Variants in PAX7 observed in about 807,000 individuals in gnomAD.
PAX7 encodes the protein paired box protein Pax-7.
In PAX7, 18 loss-of-function variants were observed where a neutral mutation model predicts 50.7. The observed-to-expected ratio is 0.36, with a 90% confidence interval of 0.25 to 0.53. The LOEUF (loss-of-function observed/expected upper bound fraction) is 0.53, where lower values mean the gene tolerates loss of function less well. PAX7 is among the 20% of genes least tolerant of loss of function. The probability of loss-of-function intolerance (pLI) is 0.93; values close to 1 mark genes in which losing one functional copy is unlikely to be tolerated. For synonymous variants in PAX7, 310 were observed against 290.4 expected, an observed-to-expected ratio of 1.07 and a Z score of -0.69; for missense variants, 644 against 702.9, an observed-to-expected ratio of 0.92 and a Z score of 0.95.
At position 18,747,274 on chromosome 1, in the gene PAX7, A is replaced by T. The variant is rs994420550; in HGVS notation, c.*2345A>T. ...ATTCCAATGCTAGGACCAATCCCAGATATCTGGTCCCGATGGTGAAATGGA... is the reference window on the plus strand; with the variant it reads ...ATTCCAATGCTAGGACCAATCCCAGTTATCTGGTCCCGATGGTGAAATGGA... On this transcript the variant is annotated 3_prime_UTR_variant, in exon 9 of 9. Transcript: ENST00000420770. 4.4e-6 allele frequency: 1 copy of T among 229,788 alleles called. No homozygotes were observed. The highest frequency in any genetic ancestry group is 2.2e-5 in the African/African-American group (1 of 45,088). 14.2% of individuals were successfully genotyped at this position (229,788 alleles called of 1,614,324 possible). A position where few individuals can be genotyped will look rare whatever the true frequency, so the allele number is the denominator to read the frequency against.
chr1:18,687,327 T>A (rs1044558991), intron 4 of PAX7, among the ~76,000 whole-genome samples: 2 of 152,068 alleles, frequency 1.3e-5, no homozygotes, highest in Non-Finnish European at 1.5e-5. Context: ...ACCACACAGC[T>A]AGGGAAAGAC....
intron 4 of PAX7, among the ~76,000 whole-genome samples, chr1:18,656,132 C>G (rs551472817): frequency 7.2e-5 from 11 of 152,154 alleles, no homozygotes; most frequent in Non-Finnish European, 4.4e-5. Context: ...TATAACAATG[C>G]CTGGTGCATT....
intron 1 of PAX7, among the ~76,000 whole-genome samples, chr1:18,631,965 T>C (rs994652843): frequency 7.9e-5 from 12 of 152,228 alleles, no homozygotes; most frequent in African/African-American, 2.9e-4. Context: ...TTTGGACTCC[T>C]AGTAAATATC....
At chr1:18,734,127 A>G (rs2089681504) in intron 7 of PAX7, among the ~76,000 whole-genome samples, 1 of 152,192 alleles carries the variant, frequency 6.6e-6, no homozygotes. Context: ...GGCAAAGGTA[A>G]AAATCTTCAG....
intron 7 of PAX7, among the ~76,000 whole-genome samples, chr1:18,727,282 C>T (rs982272398): frequency 9.4e-5 from 7 of 74,368 alleles, no homozygotes; most frequent in Non-Finnish European, 2.0e-4. Context: ...TCCATGTGCA[C>T]AAGTTGCATG....
At chr1:18,727,361 C>CTCTT (rs1402059657) in intron 7 of PAX7, among the ~76,000 whole-genome samples, 1 of 123,506 alleles carries the variant, frequency 8.1e-6, no homozygotes, top group African/African-American at 3.4e-5. Context: ...CTCTCTCTCT[C>CTCTT]TCTCTCTCAT....
At chr1:18,672,773 T>G (rs2088771353) in intron 4 of PAX7, among the ~76,000 whole-genome samples, 1 of 151,694 alleles carries the variant, frequency 6.6e-6, no homozygotes, top group Admixed American at 6.6e-5. Flanking sequence ...GCCCGGCTAA[T>G]TTTTGTAGTT....
At chr1:18,702,423 A>G (rs2089234332) in intron 6 of PAX7, among the ~76,000 whole-genome samples, 1 of 152,154 alleles carries the variant, frequency 6.6e-6, no homozygotes, top group South Asian at 2.1e-4. Context: ...CTGGAGGCCA[A>G]GGAAAGAGTC....
chr1:18,739,486 G>T (rs1165930332), intron 8 of PAX7, among the ~76,000 whole-genome samples: 1 of 152,170 alleles, frequency 6.6e-6, no homozygotes, highest in Non-Finnish European at 1.5e-5. Context: ...ATCTACTATG[G>T]GTCTAGCATT....
chr1:18,634,285 C>A lies in PAX7; in HGVS notation c.86-18C>A, dbSNP rs1293326721. 6.2e-7 allele frequency: 1 copy of A among 1,600,490 alleles called. No homozygotes were observed. The highest frequency in any genetic ancestry group is 2.2e-5 in the East Asian group (1 of 44,642). On this transcript the variant is annotated intron_variant, in intron 1 of 8. Transcript: ENST00000420770. This position sits in a 1 kb window ranked among gnomAD's most constrained non-coding sequence, Gnocchi z 4.0. ...ACCCTGCACCTCTCTCCTTCTGCAT[C>A]TCCCCTCCCTTCTCCAGTGTCCACC...
rs542673549 is a variant in PAX7, at chr1:18,657,851, A to C, written c.586+21480A>C. 4.0e-4 allele frequency among the ~76,000 whole-genome samples: 61 copies of C among 152,284 alleles called. 1 individual carries two copies. The highest frequency in any genetic ancestry group is 3.4e-3 in the Middle Eastern group (1 of 294). On this transcript the variant is annotated intron_variant, in intron 4 of 8. Transcript: ENST00000420770. The stretch of plus-strand genomic sequence containing the variant: ...CTGCTATTTTTCTTCTCTCTCTGAA[A>C]ATGAGAACATCAGCTATTGAAGCGG...
At chr1:18,653,798 A>C (rs2088471578) in intron 4 of PAX7, among the ~76,000 whole-genome samples, 1 of 152,066 alleles carries the variant, frequency 6.6e-6, no homozygotes, top group Admixed American at 6.5e-5. Context: ...AAGGGAAACC[A>C]GGGCTGCCTT....
intron 4 of PAX7, among the ~76,000 whole-genome samples, chr1:18,681,693 TTATTTTATTTTATTTTATTTTATTTTA>T (rs2088902655): frequency 8.3e-5 from 1 of 12,050 alleles, no homozygotes; most frequent in African/African-American, 2.0e-4. Flanking sequence ...GGCTTAGAAT[TTATTTTATTTTATTTTATTTTATTTTA>T]TTTTATTTTA....
intron 4 of PAX7, among the ~76,000 whole-genome samples, chr1:18,672,289 A>G (rs2088760456): frequency 6.6e-6 from 1 of 152,204 alleles, no homozygotes; most frequent in South Asian, 2.1e-4. Context: ...CTGGTATTAC[A>G]GATCTAGCTT....
intron 4 of PAX7, among the ~76,000 whole-genome samples, chr1:18,648,581 G>T (rs958102384): frequency 5.9e-5 from 9 of 152,040 alleles, no homozygotes; most frequent in Non-Finnish European, 1.2e-4. Context: ...GGACTCAAGC[G>T]ATCCTCCCAT....
chr1:18,706,525 G>A lies in PAX7; in HGVS notation c.1155+3229G>A, dbSNP rs189870372. On this transcript the variant is annotated intron_variant, in intron 7 of 8. Transcript: ENST00000420770. ...TGCCCAGGCTGGAGTGCAGTGGCGC[G>A]ATCTTGGCTGATTGCAACCTCCGCC... Among the ~76,000 whole-genome samples the A allele has an allele frequency of 2.7e-3, 397 of 144,602 alleles. 1 individual carries two copies. Among genetic ancestry groups the A allele is most frequent in the South Asian group, 0.015 (69 of 4,570 alleles). The allele number at this position is 144,602 out of a possible 152,430, so 94.9% of individuals were successfully genotyped here.
At chr1:18,718,968 G>A (rs1383210809) in intron 7 of PAX7, among the ~76,000 whole-genome samples, 2 of 152,096 alleles carry the variant, frequency 1.3e-5, no homozygotes, top group South Asian at 2.1e-4. Flanking sequence ...AAAACAGGTT[G>A]GGGGGAGTGT....
At chr1:18,723,983 C>T (rs549784535) in intron 7 of PAX7, among the ~76,000 whole-genome samples, 6 of 152,120 alleles carry the variant, frequency 3.9e-5, no homozygotes, top group South Asian at 2.1e-4. Context: ...CAGATATTAA[C>T]GCTGTCAAGA....
intron 4 of PAX7, among the ~76,000 whole-genome samples, chr1:18,666,451 C>T (rs947699981): frequency 7.2e-5 from 11 of 152,172 alleles, no homozygotes; most frequent in Non-Finnish European, 1.6e-4. Flanking sequence ...CCACAGGCCC[C>T]AGAAAGGCTG....
Sources: gnomAD v4.1 joint callset for allele counts (sites outside exome capture counted in the v4.1 genomes callset) on GRCh38, gnomAD v4.1.1 for gene constraint, Gnocchi (gnomAD v3.1) non-coding constraint, MANE v1.5 for transcripts, NCBI Gene and HGNC (gene_info 2026-07-23, HGNC 2026-07-21) for gene names.